The following RSPH14 variants were observed in gnomAD, a reference collection of about 807,000 sequenced individuals.
The protein encoded by RSPH14 is rhabdoid tumor deletion region gene 1.
RSPH14 carries 20 observed loss-of-function variants against 26.7 expected under a neutral mutation model. That is an observed-to-expected ratio of 0.75 (90% CI 0.53 to 1.09). The LOEUF is 1.09. Among genes scored for constraint, RSPH14 ranks in the 50% least tolerant of loss-of-function variants. The probability of loss-of-function intolerance (pLI) is 0.00; values close to 1 mark genes in which losing one functional copy is unlikely to be tolerated. For missense variants in RSPH14, 449 were observed against 457.2 expected (o/e 0.98, Z 0.16); for synonymous variants, 177 against 189.3 (o/e 0.93, Z 0.53).
At chr22:23,160,913 C>A in the RSPH14 span, 2 of 1,613,910 alleles carry the variant, frequency 1.2e-6, no homozygotes, top group Non-Finnish European at 1.7e-6. Context: ...GCCGCGTAGC[C>A]GCCCTGGCAT....
chr22:23,072,739 CTG>C (rs2068410761), intron 4 of RSPH14, among the ~76,000 whole-genome samples: 3 of 152,204 alleles, frequency 2.0e-5, no homozygotes, highest in Admixed American at 1.3e-4. Context: ...TGGCATGTGA[CTG>C]TGGGTTTGGG....
chr22:23,076,168 C>T lies in RSPH14; in HGVS notation c.422-12035G>A, dbSNP rs141106994. Among the ~76,000 whole-genome samples the T allele has an allele frequency of 2.0e-3, 303 of 152,308 alleles. 2 individuals are homozygous for T. The highest frequency in any genetic ancestry group is 7.0e-3 in the African/African-American group (292 of 41,570). ...GTGGGGCCTCTATGTAGAACAGCGC[C>T]ATGTTCCTGACCATGTTTCCTATGC... On this transcript the variant is annotated intron_variant, in intron 4 of 6. Coordinates refer to ENST00000216036, the MANE Select transcript of RSPH14 (RefSeq NM_014433.3).
At chr22:23,079,922 C>T (rs1468537495) in intron 4 of RSPH14, among the ~76,000 whole-genome samples, 2 of 152,164 alleles carry the variant, frequency 1.3e-5, no homozygotes, top group Non-Finnish European at 1.5e-5. Flanking sequence ...TGTGGGATGC[C>T]ACACATGGAG....
At chr22:23,162,692 G>C in the RSPH14 span, 1 of 456,248 alleles carries the variant, frequency 2.2e-6, no homozygotes, top group Non-Finnish European at 4.4e-6. Flanking sequence ...ACCTGGCTAT[G>C]CCCACTCATC....
At chr22:23,154,146 G>A in the RSPH14 span, among the ~76,000 whole-genome samples, 3 of 149,832 alleles carry the variant, frequency 2.0e-5, no homozygotes, top group Non-Finnish European at 4.4e-5. Context: ...CCTCTGCCCC[G>A]GCACCTGGAG....
chr22:23,097,423 T>C (rs2069157746), intron 4 of RSPH14, among the ~76,000 whole-genome samples: 1 of 152,230 alleles, frequency 6.6e-6, no homozygotes, highest in Non-Finnish European at 1.5e-5. Flanking sequence ...GCCATGGTGC[T>C]AGGAGCCTGA....
At chr22:23,127,737 G>A (rs2070220981) in intron 4 of RSPH14, among the ~76,000 whole-genome samples, 1 of 152,152 alleles carries the variant, frequency 6.6e-6, no homozygotes, top group Non-Finnish European at 1.5e-5. Context: ...TAGACCCCCA[G>A]ATTTCTCCCT....
At chr22:23,149,334 AGTTT>A (rs2070973630), upstream of RSPH14, among the ~76,000 whole-genome samples, 1 of 152,114 alleles carries the variant, frequency 6.6e-6, no homozygotes, top group Non-Finnish European at 1.5e-5. Flanking sequence ...GGTCATCTTT[AGTTT>A]GTTTAATCTC....
chr22:23,098,398 G>A (rs1320645539), intron 4 of RSPH14, among the ~76,000 whole-genome samples: 1 of 152,244 alleles, frequency 6.6e-6, no homozygotes, highest in East Asian at 1.9e-4. Context: ...CCCTAGATGG[G>A]CTGGGTGGCC....
chr22:23,132,694 G>A (rs1047680805), intron 4 of RSPH14: 6 of 152,184 alleles, frequency 3.9e-5, no homozygotes, highest in African/African-American at 1.4e-4. Flanking sequence ...GCTAGTGGAA[G>A]TATAAATTGG....
upstream of RSPH14, among the ~76,000 whole-genome samples, chr22:23,148,660 G>A (rs540275523): frequency 6.6e-6 from 1 of 152,322 alleles, no homozygotes; most frequent in East Asian, 1.9e-4. Context: ...GTTGAGCAGG[G>A]TCTTCAGACT....
chr22:23,152,399 G>T, the RSPH14 span: 111 of 1,547,304 alleles, frequency 7.2e-5, no homozygotes, highest in Non-Finnish European at 9.5e-5. Flanking sequence ...GGAAGGGGCT[G>T]TGAGTGTCTG....
At position 23,070,654 on chromosome 22, in the gene RSPH14, C is replaced by G. The variant is rs531520050; in HGVS notation, c.422-6521G>C. 6 of 152,256 alleles carry G rather than the reference C, an allele frequency of 3.9e-5. No individual in the cohort carries two copies. In the East Asian group the frequency reaches 1.2e-3, roughly 30 times the overall value. The allele number at this position is 152,256 out of a possible 1,614,324, so 9.4% of individuals were successfully genotyped here. On this transcript the variant is annotated intron_variant, in intron 4 of 6. Coordinates refer to ENST00000216036, the MANE Select transcript of RSPH14 (RefSeq NM_014433.3). ...GGCCGGGGCATCCACCTTGCCCCCA[C>G]TTGGGACTCTTCCCAGGCCTTTGTG...
At chr22:23,068,264 C>G (rs1029760099) in intron 4 of RSPH14, among the ~76,000 whole-genome samples, 2 of 152,248 alleles carry the variant, frequency 1.3e-5, no homozygotes, top group East Asian at 1.9e-4. Context: ...CCAAGCATCT[C>G]TTCCTTTGGG....
At chr22:23,160,665 G>T in the RSPH14 span, among the ~76,000 whole-genome samples, 1 of 152,166 alleles carries the variant, frequency 6.6e-6, no homozygotes, top group Non-Finnish European at 1.5e-5. Context: ...CTGGAGCCAG[G>T]TGGGAGGCCA....
chr22:23,066,584 T>C (rs2068216002), intron 4 of RSPH14, among the ~76,000 whole-genome samples: 1 of 152,194 alleles, frequency 6.6e-6, no homozygotes, highest in African/African-American at 2.4e-5. Flanking sequence ...GGTGTGCCTT[T>C]CTGCTCGTTC....
In RSPH14 at chr22:23,071,462, G is replaced by C. The variant is rs1188931476; in HGVS notation, c.422-7329C>G. ...TAGAGAGGTCTGTCTTGCTTGGGGAGACAGCTGAGCCCCTGACCGGCTCCT... is the reference window on the plus strand; with the variant it reads ...TAGAGAGGTCTGTCTTGCTTGGGGACACAGCTGAGCCCCTGACCGGCTCCT... On this transcript the variant is annotated intron_variant, in intron 4 of 6. Coordinates refer to ENST00000216036, the MANE Select transcript of RSPH14 (RefSeq NM_014433.3). This position sits in a 1 kb window ranked among gnomAD's most constrained non-coding sequence, Gnocchi z 4.1. Among the ~76,000 whole-genome samples, 4 of 152,226 alleles carry C rather than the reference G, an allele frequency of 2.6e-5. No homozygotes were observed. The highest frequency in any genetic ancestry group is 9.6e-5 in the African/African-American group (4 of 41,454).
chr22:23,174,697 G>T, the RSPH14 span, among the ~76,000 whole-genome samples: 1 of 150,290 alleles, frequency 6.7e-6, no homozygotes, highest in South Asian at 2.1e-4. Flanking sequence ...AGCTGAGTGT[G>T]GTGGCTCACG....
the RSPH14 span, chr22:23,153,056 G>T: frequency 3.1e-6 from 5 of 1,614,026 alleles, no homozygotes; most frequent in Non-Finnish European, 4.2e-6. Flanking sequence ...GTTTTTGATC[G>T]AGACTACAAG....
Sources: allele counts gnomAD v4.1 joint callset (sites outside exome capture counted in the v4.1 genomes callset), GRCh38; gene constraint gnomAD v4.1.1; non-coding constraint Gnocchi (gnomAD v3.1); transcripts MANE v1.5; gene names NCBI Gene and HGNC (gene_info 2026-07-23, HGNC 2026-07-21).